The following TRAPPC9 variants were observed in gnomAD, a reference collection of about 807,000 sequenced individuals.
TRAPPC9 encodes the protein trafficking protein particle complex subunit 9.
In TRAPPC9, 83 loss-of-function variants were observed where a neutral mutation model predicts 124.0. That is an observed-to-expected ratio of 0.67 (90% CI 0.56 to 0.80). The LOEUF (loss-of-function observed/expected upper bound fraction) is 0.80. Ranked by LOEUF, TRAPPC9 falls within the 30% of genes least tolerant of loss-of-function variation. TRAPPC9 has a pLI of 0.00. For synonymous variants in TRAPPC9, 638 were observed against 617.5 expected (o/e 1.03, Z -0.49); for missense variants, 1,302 against 1,508.3 (o/e 0.86, Z 2.27).
intron 17 of TRAPPC9, among the ~76,000 whole-genome samples, chr8:140,140,008 T>A (rs538340614): frequency 6.6e-6 from 1 of 152,238 alleles, no homozygotes; most frequent in Non-Finnish European, 1.5e-5. Context: ...ATGTTCATTA[T>A]GAATAACAAC....
At chr8:140,287,580 G>C in intron 13 of TRAPPC9, 28 bp downstream of exon 13, 1 of 1,613,990 alleles carries the variant, frequency 6.2e-7, no homozygotes, top group Non-Finnish European at 8.5e-7. Context: ...ACCCTCCTGA[G>C]CAGGAAGCAT....
intron 19 of TRAPPC9, among the ~76,000 whole-genome samples, chr8:139,940,054 C>T (rs1833808239): frequency 6.6e-6 from 1 of 152,344 alleles, no homozygotes; most frequent in Non-Finnish European, 1.5e-5. Context: ...CCCAAATATA[C>T]CTGCGAGCTG....
chr8:140,125,030 A>T (rs1489629522), intron 17 of TRAPPC9, among the ~76,000 whole-genome samples: 1 of 152,084 alleles, frequency 6.6e-6, no homozygotes, highest in Non-Finnish European at 1.5e-5. Flanking sequence ...CTCAGATAAA[A>T]CCCGGACACT....
At chr8:139,883,825 G>A (rs1829834507) in intron 21 of TRAPPC9, among the ~76,000 whole-genome samples, 1 of 152,200 alleles carries the variant, frequency 6.6e-6, no homozygotes, top group African/African-American at 2.4e-5. Context: ...TCCCGGCTCT[G>A]CTCACTCTGG....
At chr8:140,356,917 T>C (rs2067769370) in intron 9 of TRAPPC9, among the ~76,000 whole-genome samples, 1 of 152,148 alleles carries the variant, frequency 6.6e-6, no homozygotes. Flanking sequence ...GCCAAGAATG[T>C]GCTTTTGAAA....
intron 17 of TRAPPC9, among the ~76,000 whole-genome samples, chr8:140,151,353 A>C (rs2061540718): frequency 6.6e-6 from 1 of 152,126 alleles, no homozygotes; most frequent in Middle Eastern, 3.2e-3. Context: ...CCCGCTCTGT[A>C]TTAGACTGGG....
At chr8:140,023,631 G>A (rs929620994) in intron 18 of TRAPPC9, among the ~76,000 whole-genome samples, 8 of 152,210 alleles carry the variant, frequency 5.3e-5, no homozygotes, top group Admixed American at 3.3e-4. Context: ...ATGCAGCCAG[G>A]CCAGGCTGGG....
chr8:139,790,623 G>A (rs755341221), intron 21 of TRAPPC9, among the ~76,000 whole-genome samples: 1 of 152,176 alleles, frequency 6.6e-6, no homozygotes, highest in East Asian at 1.9e-4. Context: ...GGGTGCTACC[G>A]GCATTCAGTG....
At chr8:140,052,352 A>T (rs1377682142) in intron 17 of TRAPPC9, among the ~76,000 whole-genome samples, 1 of 152,224 alleles carries the variant, frequency 6.6e-6, no homozygotes, top group Non-Finnish European at 1.5e-5. Context: ...TAATGATAGT[A>T]ATGGCCGGGC....
chr8:140,382,181 G>A (rs2132297570), intron 7 of TRAPPC9, among the ~76,000 whole-genome samples: 1 of 152,318 alleles, frequency 6.6e-6, no homozygotes, highest in East Asian at 1.9e-4. Context: ...GGCCGAATAG[G>A]AACAGCTCCA....
intron 21 of TRAPPC9, among the ~76,000 whole-genome samples, chr8:139,804,506 T>C (rs1220555663): frequency 0.015 from 351 of 23,144 alleles, no homozygotes; most frequent in Non-Finnish European, 0.017. Flanking sequence ...ACACAACCAC[T>C]ACCACCCACC....
At position 140,025,258 on chromosome 8, in the gene TRAPPC9, G is replaced by A. The variant is rs868118440; in HGVS notation, c.2557-1179C>T. ...GACCCTGCCTTCCCCAGGACCCTCC[G>A]GAAGCAGAGGACACAGCAGATCCAG... On this transcript the variant is annotated intron_variant, in intron 17 of 22. Transcript: ENST00000438773. Among the ~76,000 whole-genome samples the A allele has an allele frequency of 5.9e-5, 9 of 152,196 alleles. 1 individual carries two copies. Among genetic ancestry groups the A allele is most frequent in the Admixed American group, 2.0e-4 (3 of 15,274 alleles).
chr8:140,142,241 G>A (rs1317970602), intron 17 of TRAPPC9, among the ~76,000 whole-genome samples: 1 of 152,214 alleles, frequency 6.6e-6, no homozygotes, highest in Non-Finnish European at 1.5e-5. Flanking sequence ...ATTCGCACAC[G>A]CACAGAAAGA....
At chr8:140,376,535 A>C (rs958688408) in intron 7 of TRAPPC9, among the ~76,000 whole-genome samples, 5 of 141,296 alleles carry the variant, frequency 3.5e-5, no homozygotes, top group African/African-American at 1.1e-4. Context: ...TAGCCTGGGC[A>C]CAGAGCAAGA....
At chr8:140,074,270 G>A (rs1489651161) in intron 17 of TRAPPC9, among the ~76,000 whole-genome samples, 1 of 152,116 alleles carries the variant, frequency 6.6e-6, no homozygotes, top group Non-Finnish European at 1.5e-5. Flanking sequence ...CACTGGAGTG[G>A]GCGGGCCCTG....
At chr8:139,972,203 C>A (rs1836146729) in intron 19 of TRAPPC9, among the ~76,000 whole-genome samples, 1 of 152,092 alleles carries the variant, frequency 6.6e-6, no homozygotes. Flanking sequence ...ATGCCACCAC[C>A]AAAGCTTCAG....
At chr8:139,739,060 G>A (rs1452288954) in intron 21 of TRAPPC9, among the ~76,000 whole-genome samples, 1 of 152,178 alleles carries the variant, frequency 6.6e-6, no homozygotes, top group East Asian at 1.9e-4. Context: ...AACAAGCACT[G>A]GAGAGGCCCT....
At chr8:140,344,757 G>T (rs2067288472) in intron 9 of TRAPPC9, among the ~76,000 whole-genome samples, 1 of 152,258 alleles carries the variant, frequency 6.6e-6, no homozygotes, top group South Asian at 2.1e-4. Flanking sequence ...CTGGAGAGAG[G>T]TGAGCAAGGA....
intron 10 of TRAPPC9, among the ~76,000 whole-genome samples, chr8:140,306,072 C>T (rs1447883798): frequency 1.3e-5 from 2 of 152,164 alleles, no homozygotes; most frequent in Non-Finnish European, 2.9e-5. Flanking sequence ...CATCAGTATC[C>T]CTCACACATC....
Sources: gnomAD v4.1 joint callset for allele counts (sites outside exome capture counted in the v4.1 genomes callset) on GRCh38, gnomAD v4.1.1 for gene constraint, MANE v1.5 for transcripts, NCBI Gene and HGNC (gene_info 2026-07-23, HGNC 2026-07-21) for gene names.